HSDL2: variants seen among roughly 807,000 people sequenced by gnomAD.
The protein encoded by HSDL2 is hydroxysteroid dehydrogenase like 2.
A neutral mutation model predicts 46.3 loss-of-function variants in HSDL2; 27 were observed. The observed-to-expected ratio is 0.58, with a 90% CI of 0.43 to 0.80. The LOEUF (loss-of-function observed/expected upper bound fraction) is 0.80. Among genes scored for constraint, HSDL2 ranks in the 30% least tolerant of loss-of-function variants. The pLI is 0.00. For missense variants in HSDL2, 451 were observed against 502.7 expected, an observed-to-expected ratio of 0.90 and a Z score of 0.98; for synonymous variants, 153 against 163.6, an observed-to-expected ratio of 0.94 and a Z score of 0.50.
chr9:112,388,321 C>T (rs1382455788), intron 1 of HSDL2, among the ~76,000 whole-genome samples: 1 of 151,744 alleles, frequency 6.6e-6, no homozygotes, highest in Non-Finnish European at 1.5e-5. Flanking sequence ...ATTAGCTGGG[C>T]GTTGTGGTGC....
At chr9:112,469,117 G>A (rs1314302488) in intron 10 of HSDL2, among the ~76,000 whole-genome samples, 4 of 152,088 alleles carry the variant, frequency 2.6e-5, no homozygotes, top group African/African-American at 9.7e-5. Context: ...GTAGGACACA[G>A]CTCAGTTTAT....
In HSDL2 at chr9:112,459,460, G is replaced by A. The variant is rs762760912; in HGVS notation, c.1027G>A (p.Gly343Ser). Reference protein sequence around the residue: ...YLFELSGEDGGTWFLDLKSKG... With the variant: ...YLFELSGEDGSTWFLDLKSKG... ...GTTTATCTCTCTAGGTGAAGATGGT[G>A]GCACGTGGTTTCTTGATCTGAAAAG... Residue 343 changes from glycine to serine, a missense_variant, in exon 10 of 11, where the codon GGC (glycine) becomes AGC (serine). Coordinates refer to ENST00000398805, the MANE Select transcript of HSDL2 (RefSeq NM_032303.5). 5 of 1,613,842 alleles carry A rather than the reference G, an allele frequency of 3.1e-6. No homozygotes were observed. The Admixed American group carries it at 5.0e-5, about 16-fold the overall frequency.
chr9:112,391,278 C>A (rs116807541), intron 1 of HSDL2, among the ~76,000 whole-genome samples: 1 of 151,380 alleles, frequency 6.6e-6, no homozygotes, highest in African/African-American at 2.4e-5. Flanking sequence ...TGAGCCTGGG[C>A]GACATAGCAA....
intron 10 of HSDL2, among the ~76,000 whole-genome samples, chr9:112,468,049 TG>T (rs1833445397): frequency 2.2e-3 from 1 of 446 alleles, no homozygotes; most frequent in Admixed American, 0.028. Flanking sequence ...CTCTCTTGAT[TG>T]TTTGTCTGGG....
chr9:112,450,553 T>A (rs1832860815), intron 8 of HSDL2, among the ~76,000 whole-genome samples: 1 of 145,144 alleles, frequency 6.9e-6, no homozygotes, highest in Non-Finnish European at 1.5e-5. Context: ...CGCTTGAACC[T>A]GGGAGGTGGA....
chr9:112,466,887 G>A (rs1833408157), intron 10 of HSDL2, among the ~76,000 whole-genome samples: 1 of 152,144 alleles, frequency 6.6e-6, no homozygotes, highest in Admixed American at 6.5e-5. Context: ...TCTTTTGTAT[G>A]TGGATATCCA....
chr9:112,443,001 C>T (rs924147403), intron 8 of HSDL2, among the ~76,000 whole-genome samples: 2 of 152,030 alleles, frequency 1.3e-5, no homozygotes, highest in African/African-American at 2.4e-5. Context: ...TACTCATAAT[C>T]CTACTACCCA....
intron 1 of HSDL2, among the ~76,000 whole-genome samples, chr9:112,400,104 A>G (rs1404380807): frequency 6.6e-6 from 1 of 152,216 alleles, no homozygotes; most frequent in Non-Finnish European, 1.5e-5. Flanking sequence ...ACTTCCCGCA[A>G]CAAGAAGGAA....
chr9:112,416,728 C>G (rs1466559036), intron 4 of HSDL2, 113 bp from the exon 5 acceptor site: 2 of 532,406 alleles, frequency 3.8e-6, no homozygotes, highest in Non-Finnish European at 6.8e-6. Context: ...GAACTGTGAT[C>G]GAGTCATGCA....
intron 6 of HSDL2, among the ~76,000 whole-genome samples, chr9:112,419,485 C>T (rs540681254): frequency 6.6e-6 from 1 of 152,094 alleles, no homozygotes; most frequent in African/African-American, 2.4e-5. Flanking sequence ...CAGCCAATAG[C>T]CTTTGTAGGA....
chr9:112,405,690 C>A lies in HSDL2; in HGVS notation c.248C>A (p.Ala83Asp), dbSNP rs897108933. The A allele has an allele frequency of 3.1e-6, 5 of 1,612,078 alleles. No individual in the cohort carries two copies. In the African/African-American group the frequency reaches 6.7e-5, roughly 22 times the overall value. The change falls in exon 3 of 11, where the codon GCT (alanine) becomes GAT (aspartate). Residue 83 changes from alanine to aspartate, a missense_variant. Transcript: ENST00000398805. The stretch of plus-strand genomic sequence containing the variant: ...GTGAGAGATGAACAGCAGATCAGTG[C>A]TGCAGTGGAGAAAGCCATCAAGAAA... ...VDVRDEQQIS[A>D]AVEKAIKKFG...
chr9:112,408,843 A>C (rs765551244), intron 3 of HSDL2, 64 bp from the exon 4 acceptor site: 9 of 846,796 alleles, frequency 1.1e-5, no homozygotes, highest in Admixed American at 4.3e-5. Context: ...CAAGAGAGTA[A>C]ACGCTTTTTT....
intron 1 of HSDL2, among the ~76,000 whole-genome samples, chr9:112,400,497 C>T (rs1052839594): frequency 2.6e-5 from 4 of 152,206 alleles, no homozygotes; most frequent in Non-Finnish European, 4.4e-5. Flanking sequence ...GTCCCAGCTA[C>T]TTGGGAGGCT....
In HSDL2 at chr9:112,454,146, T is replaced by C. The variant is rs779351609; in HGVS notation, c.999T>C (p.Tyr333=). Reference sequence around the variant, plus strand: ...TTGTTAAAGCCACTCAAGCAATCTATCTGTTTGAACTCTCCGGTAAGGACT... The same window carrying C: ...TTGTTAAAGCCACTCAAGCAATCTACCTGTTTGAACTCTCCGGTAAGGACT... The part of the protein sequence containing the change: ...DDVVKATQAI[Y]LFELSGEDGG... The change falls in exon 9 of 11, where the codon TAT becomes TAC. Residue 333 remains tyrosine, a synonymous_variant. Transcript: ENST00000398805. The C allele has an allele frequency of 3.1e-6, 5 of 1,613,504 alleles. No homozygotes were observed. Among genetic ancestry groups the C allele is most frequent in the African/African-American group, 1.3e-5 (1 of 74,902 alleles).
At position 112,464,205 on chromosome 9, in the gene HSDL2, CACACACAGACACACACACAG is replaced by C. The variant is rs1212010737; in HGVS notation, c.1144+4636_1144+4655del. Among the ~76,000 whole-genome samples the C allele has an allele frequency of 3.3e-5, 5 of 151,430 alleles. No homozygotes were observed. The East Asian group carries it at 7.9e-4, about 24-fold the overall frequency. On this transcript the variant is annotated intron_variant, in intron 10 of 10. Coordinates refer to ENST00000398805, the MANE Select transcript of HSDL2 (RefSeq NM_032303.5). ...AACATAGTGAGACCCTGCTTCTACA[CACACACAGACACACACACAG>C]ACACACACACACACACACACACACA...
At chr9:112,444,834 GTTTTTTTTT>G in intron 8 of HSDL2, among the ~76,000 whole-genome samples, 5 of 79,658 alleles carry the variant, frequency 6.3e-5, no homozygotes, top group African/African-American at 2.7e-4. Context: ...ACTCAGTCTT[GTTTTTTTTT>G]TTTTTTTTTT....
intron 6 of HSDL2, among the ~76,000 whole-genome samples, chr9:112,425,221 T>C (rs577050799): frequency 6.6e-6 from 1 of 152,304 alleles, no homozygotes; most frequent in South Asian, 2.1e-4. Flanking sequence ...AGTTAAAGCA[T>C]TAAGGTCTTA....
Position 112,471,824 on chromosome 9 carries a change from C to G in HSDL2, c.*1280C>G, listed in dbSNP as rs1833585306. Reference sequence around the variant, plus strand: ...CATTTCAATCAGTTAAAAATACTTGCTCAGTGTAACAATTTTGCTTCTCAG... The same window carrying G: ...CATTTCAATCAGTTAAAAATACTTGGTCAGTGTAACAATTTTGCTTCTCAG... On this transcript the variant is annotated 3_prime_UTR_variant, in exon 11 of 11. Transcript: ENST00000398805. The G allele has an allele frequency of 6.6e-6, 1 of 152,190 alleles. No homozygotes were observed. The highest frequency in any genetic ancestry group is 6.5e-5 in the Admixed American group (1 of 15,278). 9.4% of individuals were successfully genotyped at this position (152,190 alleles called of 1,614,324 possible). A position where few individuals can be genotyped will look rare whatever the true frequency, so the allele number is the denominator to read the frequency against.
Position 112,409,304 on chromosome 9 carries a change from C to T in HSDL2, c.395+283C>T, listed in dbSNP as rs546808563. Among the ~76,000 whole-genome samples the T allele has an allele frequency of 1.4e-3, 206 of 152,234 alleles. 1 individual carries two copies. Among genetic ancestry groups the T allele is most frequent in the African/African-American group, 4.6e-3 (190 of 41,532 alleles). ...TCCTAGGTTCAAGCGATTCTCCTGC[C>T]TCAGCCTCCTGAGTAGCTGGGATTA... is the stretch of plus-strand genomic sequence containing the variant. On this transcript the variant is annotated intron_variant, in intron 4 of 10. Coordinates refer to ENST00000398805, the MANE Select transcript of HSDL2 (RefSeq NM_032303.5).
Sources: allele counts gnomAD v4.1 joint callset (sites outside exome capture counted in the v4.1 genomes callset), GRCh38; gene constraint gnomAD v4.1.1; transcripts MANE v1.5; gene names NCBI Gene and HGNC (gene_info 2026-07-23, HGNC 2026-07-21).